MTFMT: variants seen among roughly 807,000 people sequenced by gnomAD.
The protein encoded by MTFMT is methionyl-tRNA formyltransferase, mitochondrial.
In MTFMT, 47 loss-of-function variants were observed where a neutral mutation model predicts 51.8. The observed-to-expected ratio is 0.91, with a 90% CI of 0.72 to 1.16. MTFMT has a LOEUF of 1.16. MTFMT is among the 50% of genes most tolerant of loss of function. The probability of loss-of-function intolerance (pLI) is 0.00; values close to 1 mark genes in which losing one functional copy is unlikely to be tolerated. For synonymous variants in MTFMT, 196 were observed against 176.7 expected, an observed-to-expected ratio of 1.11 and a Z score of -0.87; for missense variants, 512 against 482.3, an observed-to-expected ratio of 1.06 and a Z score of -0.58.
rs1375147651 is a variant in MTFMT at position 65,018,764 on chromosome 15, A to C, written c.721+1433T>G. 2.6e-5 allele frequency among the ~76,000 whole-genome samples: 4 copies of C among 152,218 alleles called. No homozygotes were observed. In the East Asian group the frequency reaches 7.7e-4, roughly 29 times the overall value. Reference sequence around the variant, plus strand: ...TTTAAGGGGCTCCCACTGGGCAAATATAAAGAATTATGACTGTAAAACACA... The same window carrying C: ...TTTAAGGGGCTCCCACTGGGCAAATCTAAAGAATTATGACTGTAAAACACA... On this transcript the variant is annotated intron_variant, in intron 5 of 8. Transcript: ENST00000220058.
intron 6 of MTFMT, chr15:65,016,196 A>T (rs1278220942): frequency 4.1e-6 from 1 of 242,546 alleles, no homozygotes; most frequent in Non-Finnish European, 7.9e-6. Context: ...TGGTTATGTG[A>T]AACTGCAATA....
chr15:65,025,932 T>C (rs1014459489), intron 2 of MTFMT, among the ~76,000 whole-genome samples: 8 of 152,164 alleles, frequency 5.3e-5, no homozygotes, highest in Non-Finnish European at 1.2e-4. Context: ...TAAAATGTTC[T>C]TTAGTACTTG....
chr15:65,016,128 C>CT (rs1438307395), intron 6 of MTFMT: 1 of 172,570 alleles, frequency 5.8e-6, no homozygotes, highest in African/African-American at 2.4e-5. Flanking sequence ...AGTGACTGGA[C>CT]ATTCCTGTTA....
chr15:65,006,680 T>C (rs1422248442), intron 6 of MTFMT, among the ~76,000 whole-genome samples: 1 of 152,158 alleles, frequency 6.6e-6, no homozygotes, highest in Non-Finnish European at 1.5e-5. Context: ...CCGGCCGATT[T>C]ATAAGATCTT....
chr15:65,024,917 A>G (rs2086408634), intron 2 of MTFMT, among the ~76,000 whole-genome samples: 1 of 152,214 alleles, frequency 6.6e-6, no homozygotes, highest in Non-Finnish European at 1.5e-5. Flanking sequence ...ATAACTACGC[A>G]TATATATGGG....
intron 7 of MTFMT, among the ~76,000 whole-genome samples, chr15:65,005,836 G>C (rs895484694): frequency 6.6e-6 from 1 of 152,122 alleles, no homozygotes; most frequent in Non-Finnish European, 1.5e-5. Flanking sequence ...TCGAACTCCT[G>C]ACCTCAGCTG....
In MTFMT at chr15:65,002,274, A is replaced by G. The variant is rs1051729230; in HGVS notation, c.*788T>C. 4 of 151,374 alleles carry G rather than the reference A, an allele frequency of 2.6e-5. No homozygotes were observed. Among genetic ancestry groups the G allele is most frequent in the Middle Eastern group, 6.9e-3 (2 of 290 alleles). The allele number at this position is 151,374 out of a possible 1,614,324, so 9.4% of individuals were successfully genotyped here. The stretch of plus-strand genomic sequence containing the variant: ...AAAAATTAGCCAGGCATGGTGGCGG[A>G]CGCCTGTAGTCCCAGCTACTTGGGA... On this transcript the variant is annotated 3_prime_UTR_variant, in exon 9 of 9. Transcript: ENST00000220058.
chr15:65,017,064 G>A (rs1445958475), intron 5 of MTFMT, among the ~76,000 whole-genome samples: 1 of 149,354 alleles, frequency 6.7e-6, no homozygotes, highest in Non-Finnish European at 1.5e-5. Flanking sequence ...TTAGATGCAT[G>A]AGCTACCATG....
chr15:65,014,727 A>C (rs139381934), intron 6 of MTFMT, among the ~76,000 whole-genome samples: 497 of 151,180 alleles, frequency 3.3e-3, no homozygotes, highest in African/African-American at 0.012. Flanking sequence ...TCCTAGGTTC[A>C]AGCAATTTTC....
chr15:65,003,179 G>T lies in MTFMT; in HGVS notation c.1053C>A (p.His351Gln). The T allele has an allele frequency of 6.2e-7, 1 of 1,613,684 alleles. No individual in the cohort carries two copies. The highest frequency in any genetic ancestry group is 8.5e-7 in the Non-Finnish European group (1 of 1,179,762). Residue 351 changes from histidine (H) to glutamine (Q), a missense_variant, in exon 9 of 9, where the codon CAC becomes CAA. Transcript: ENST00000220058. ...TATDFYNGYL[H>Q]PWYQKNSQAQ... is the part of the protein sequence containing the mutation. ...CTTGGGAATTTTTCTGGTACCAGGG[G>T]TGCAAATATCCATTGTAGAAGTCAG...
Position 65,003,090 on chromosome 15 carries a change from G to GT in MTFMT, c.1141dup (p.Thr381AsnfsTer9), listed in dbSNP as rs1234844024. ...CTCAATGCATTGTTGCATAGCAACA[G>GT]TTTTTTTCTGCTTCTTCTTTGTTGG... is the stretch of plus-strand genomic sequence containing the variant. On this transcript the variant is annotated frameshift_variant, in exon 9 of 9. Coordinates refer to ENST00000220058, the MANE Select transcript of MTFMT (RefSeq NM_139242.4). LOFTEE classifies it high-confidence loss of function. The GT allele has an allele frequency of 1.2e-5, 19 of 1,607,180 alleles. No individual in the cohort carries two copies. Among genetic ancestry groups the GT allele is most frequent in the Non-Finnish European group, 1.4e-5 (17 of 1,176,462 alleles).
chr15:65,029,449 C>A lies in MTFMT; in HGVS notation c.165G>T (p.Thr55=). Reference sequence around the variant, plus strand: ...GCAGCGCCTCGCGGGCGAACTGGTCCGTGCCGAAGAAGAGCACCCGCCAGG... The same window carrying A: ...GCAGCGCCTCGCGGGCGAACTGGTCAGTGCCGAAGAAGAGCACCCGCCAGG... The part of the protein sequence containing the change: ...KPPWRVLFFG[T]DQFAREALRA... Residue 55 remains threonine (T), a synonymous_variant, in exon 1 of 9, where the codon ACG becomes ACT. Transcript: ENST00000220058. The A allele has an allele frequency of 2.6e-6, 4 of 1,526,692 alleles. No homozygotes were observed. Among genetic ancestry groups the A allele is most frequent in the Non-Finnish European group, 3.5e-6 (4 of 1,139,544 alleles). The allele number at this position is 1,526,692 out of a possible 1,614,324, so 94.6% of individuals were successfully genotyped here. A position where few individuals can be genotyped will look rare whatever the true frequency, so the allele number is the denominator to read the frequency against.
intron 6 of MTFMT, among the ~76,000 whole-genome samples, chr15:65,008,192 CA>C (rs2086234455): frequency 6.6e-6 from 1 of 152,106 alleles, no homozygotes; most frequent in Non-Finnish European, 1.5e-5. Context: ...TTGTTAACTA[CA>C]TATGCATTGT....
At chr15:65,015,307 T>C (rs1389372915) in intron 6 of MTFMT, among the ~76,000 whole-genome samples, 3 of 152,182 alleles carry the variant, frequency 2.0e-5, no homozygotes, top group African/African-American at 7.2e-5. Flanking sequence ...TGAAGTAAGA[T>C]AGATCTCGTT....
intron 6 of MTFMT, 104 bp from the exon 7 acceptor site, chr15:65,006,295 G>A: frequency 3.7e-6 from 3 of 809,956 alleles, no homozygotes; most frequent in Non-Finnish European, 6.1e-6. Flanking sequence ...TCAATTAGAG[G>A]AATTGGGAAC....
In MTFMT at chr15:65,001,684, A is replaced by T. The variant is rs2086177573; in HGVS notation, c.*1378T>A. 2 of 152,172 alleles carry T rather than the reference A, an allele frequency of 1.3e-5. No homozygotes were observed. The highest frequency in any genetic ancestry group is 1.3e-4 in the Admixed American group (2 of 15,266). 9.4% of individuals were successfully genotyped at this position (152,172 alleles called of 1,614,324 possible). ...CAAGACCAGCCTAAGCAACATAGTGAGACCCCTATCTCTACAAAATTTTTT... is the reference window on the plus strand; with the variant it reads ...CAAGACCAGCCTAAGCAACATAGTGTGACCCCTATCTCTACAAAATTTTTT... On this transcript the variant is annotated 3_prime_UTR_variant, in exon 9 of 9. Coordinates refer to ENST00000220058, the MANE Select transcript of MTFMT (RefSeq NM_139242.4).
chr15:65,021,697 G>T, intron 3 of MTFMT, 81 bp from the exon 4 acceptor site: 2 of 1,137,674 alleles, frequency 1.8e-6, no homozygotes, highest in Non-Finnish European at 2.6e-6. Flanking sequence ...AAAGATACAA[G>T]CTGGGTACAG....
At chr15:65,029,063 G>A (rs1353470278) in intron 1 of MTFMT, among the ~76,000 whole-genome samples, 1 of 152,172 alleles carries the variant, frequency 6.6e-6, no homozygotes, top group Non-Finnish European at 1.5e-5. Flanking sequence ...CTGAGCCACG[G>A]ATTCCCCACA....
chr15:65,027,034 G>C lies in MTFMT; in HGVS notation c.216C>G (p.Asn72Lys), dbSNP rs1195549574. 1.9e-6 allele frequency: 3 copies of C among 1,612,484 alleles called. No individual in the cohort carries two copies. The highest frequency in any genetic ancestry group is 2.5e-6 in the Non-Finnish European group (3 of 1,179,076). The change falls in exon 2 of 9, where the codon AAC becomes AAG. Residue 72 changes from asparagine to lysine, a missense_variant. Physicochemically the swap from Asn to Lys is moderately conservative, Grantham distance 94. Transcript: ENST00000220058. ...ALRALHAARE[N>K]KEEELIDKLE... ...GTTTGTCGATTAACTCTTCTTCTTT[G>C]TTTTCCCTAAATTAGATAGGAAGAA...
Sources: allele counts gnomAD v4.1 joint callset (sites outside exome capture counted in the v4.1 genomes callset), GRCh38; gene constraint gnomAD v4.1.1; transcripts MANE v1.5; gene names NCBI Gene and HGNC (gene_info 2026-07-23, HGNC 2026-07-21).